Variants in IKZF1 observed in about 807,000 individuals in gnomAD.
The protein encoded by IKZF1 is DNA-binding protein Ikaros.
IKZF1 carries 10 observed loss-of-function variants against 51.7 expected under a neutral mutation model. That is an observed-to-expected ratio of 0.19 (90% CI 0.12 to 0.33). IKZF1 has a LOEUF of 0.33. Among genes scored for constraint, IKZF1 ranks in the 10% least tolerant of loss-of-function variants. The pLI is 1.00. For missense variants in IKZF1, 484 were observed against 707.5 expected (o/e 0.68, Z 3.58); for synonymous variants, 280 against 282.3 (o/e 0.99, Z 0.08).
intron 3 of IKZF1, among the ~76,000 whole-genome samples, chr7:50,366,946 A>G (rs1036024491): frequency 6.6e-6 from 1 of 152,194 alleles, no homozygotes; most frequent in African/African-American, 2.4e-5. Flanking sequence ...GACTTTATCC[A>G]TTAGATTTGG....
At chr7:50,395,350 G>A (rs531447640) in intron 7 of IKZF1, among the ~76,000 whole-genome samples, 6 of 151,844 alleles carry the variant, frequency 4.0e-5, no homozygotes, top group Admixed American at 6.6e-5. Flanking sequence ...CTAGAGAAGC[G>A]GCTTATTTTA....
chr7:50,370,566 G>A (rs1808365653), intron 3 of IKZF1, among the ~76,000 whole-genome samples: 1 of 152,226 alleles, frequency 6.6e-6, no homozygotes, highest in Admixed American at 6.5e-5. Context: ...ATAGGTCAAT[G>A]AGATTTTAAT....
intron 3 of IKZF1, among the ~76,000 whole-genome samples, chr7:50,332,002 A>G (rs1229841146): frequency 2.0e-5 from 3 of 152,240 alleles, no homozygotes; most frequent in African/African-American, 7.2e-5. Flanking sequence ...TTTAAAAACT[A>G]GAGAACTCTC....
At chr7:50,378,557 T>C (rs1465545363) in intron 4 of IKZF1, among the ~76,000 whole-genome samples, 1 of 152,236 alleles carries the variant, frequency 6.6e-6, no homozygotes, top group African/African-American at 2.4e-5. Context: ...TAAATAAATA[T>C]TTGATAAGTG....
chr7:50,338,877 C>T (rs36127449), intron 3 of IKZF1, among the ~76,000 whole-genome samples: 149,120 of 152,328 alleles, frequency 0.98, 73,017 homozygotes, highest in East Asian at 1. Context: ...ACCGCAGACA[C>T]GCTCACAATT....
intron 1 of IKZF1, among the ~76,000 whole-genome samples, chr7:50,314,752 G>A (rs1395220682): frequency 2.0e-5 from 3 of 152,202 alleles, no homozygotes; most frequent in African/African-American, 7.2e-5. Flanking sequence ...CTCCACAGGA[G>A]CCCCAGCAGG....
chr7:50,392,952 G>T (rs1263897970), intron 7 of IKZF1, among the ~76,000 whole-genome samples: 1 of 152,182 alleles, frequency 6.6e-6, no homozygotes, highest in East Asian at 1.9e-4. Context: ...AAGTGAAGGT[G>T]TCCTAGGCAG....
intron 2 of IKZF1, among the ~76,000 whole-genome samples, chr7:50,322,601 C>T (rs543000106): frequency 6.4e-4 from 98 of 152,306 alleles, no homozygotes; most frequent in African/African-American, 2.2e-3. Context: ...TCCTTTAGGG[C>T]ACGTCTCACT....
intron 3 of IKZF1, among the ~76,000 whole-genome samples, chr7:50,349,407 G>A (rs530194850): frequency 2.4e-4 from 36 of 152,296 alleles, no homozygotes; most frequent in African/African-American, 7.2e-4. Context: ...GATGAGAAGC[G>A]CATGGAATTT....
chr7:50,404,583 CATGTGGTGTCTTG>C lies in IKZF1; in HGVS notation c.*3963_*3975del, dbSNP rs1818689054. On this transcript the variant is annotated 3_prime_UTR_variant, in exon 8 of 8. Transcript: ENST00000331340. ...ACAGCTGCAATACCACTTGGGAACACATGTGGTGTCTTGATGTGGCCAGCGCAGCAGTTCAGCA... is the reference window on the plus strand; with the variant it reads ...ACAGCTGCAATACCACTTGGGAACACATGTGGCCAGCGCAGCAGTTCAGCA... 1 of 229,146 alleles carries C rather than the reference CATGTGGTGTCTTG, an allele frequency of 4.4e-6. No individual in the cohort carries two copies. The highest frequency in any genetic ancestry group is 8.7e-6 in the Non-Finnish European group (1 of 115,458). 14.2% of individuals were successfully genotyped at this position (229,146 alleles called of 1,614,324 possible).
intron 2 of IKZF1, among the ~76,000 whole-genome samples, chr7:50,321,361 C>G (rs1019028193): frequency 2.6e-5 from 4 of 152,242 alleles, no homozygotes; most frequent in African/African-American, 9.6e-5. Context: ...TCGCCAGCCT[C>G]TCACTGCAGC....
At chr7:50,318,978 A>T in intron 1 of IKZF1, 70 bp from the exon 2 acceptor site, 1 of 961,522 alleles carries the variant, frequency 1.0e-6, no homozygotes, top group South Asian at 1.3e-5. Context: ...GGGGTTCTTT[A>T]TCTCTCTCTC....
chr7:50,313,405 A>G (rs575316639), intron 1 of IKZF1, among the ~76,000 whole-genome samples: 2 of 152,254 alleles, frequency 1.3e-5, no homozygotes, highest in Non-Finnish European at 2.9e-5. Flanking sequence ...AGTAAATAGC[A>G]TACATTTGGC....
chr7:50,358,430 G>A (rs1051271627), intron 3 of IKZF1, among the ~76,000 whole-genome samples: 19 of 152,244 alleles, frequency 1.2e-4, no homozygotes, highest in Admixed American at 1.2e-3. Context: ...GCAGGAGAGG[G>A]GCAGCCAGCA....
chr7:50,312,393 A>G (rs1165156195), intron 1 of IKZF1, among the ~76,000 whole-genome samples: 1 of 152,206 alleles, frequency 6.6e-6, no homozygotes. Flanking sequence ...GGGTAGAGAC[A>G]ATACAATATG....
At chr7:50,360,088 C>T (rs1056690317) in intron 3 of IKZF1, among the ~76,000 whole-genome samples, 1 of 152,110 alleles carries the variant, frequency 6.6e-6, no homozygotes. Context: ...TTCTTCCCAT[C>T]CCTCCTCCTC....
intron 2 of IKZF1, among the ~76,000 whole-genome samples, chr7:50,322,506 G>T (rs1480329222): frequency 6.6e-6 from 1 of 152,108 alleles, no homozygotes; most frequent in Non-Finnish European, 1.5e-5. Context: ...CACTCCATAA[G>T]TGTTTACTGA....
chr7:50,338,441 T>G (rs968596794), intron 3 of IKZF1, among the ~76,000 whole-genome samples: 2 of 152,342 alleles, frequency 1.3e-5, no homozygotes, highest in Admixed American at 6.5e-5. Flanking sequence ...TAGTTAGCTC[T>G]GTGTATAAAA....
At chr7:50,391,985 G>T in intron 7 of IKZF1, 122 bp downstream of exon 7, 2 of 1,353,078 alleles carry the variant, frequency 1.5e-6, no homozygotes, top group Non-Finnish European at 9.8e-7. Context: ...AGGAAAAATT[G>T]GTAAGCTTAA....
Sources: allele counts gnomAD v4.1 joint callset (sites outside exome capture counted in the v4.1 genomes callset), GRCh38; gene constraint gnomAD v4.1.1; transcripts MANE v1.5; gene names NCBI Gene and HGNC (gene_info 2026-07-23, HGNC 2026-07-21).